Variants in ARHGEF10L observed in about 807,000 individuals in gnomAD.
The protein encoded by ARHGEF10L is Rho guanine nucleotide exchange factor 10 like, also known as rho guanine nucleotide exchange factor 10-like protein.
A neutral mutation model predicts 141.2 loss-of-function variants in ARHGEF10L; 69 were observed. The observed-to-expected ratio is 0.49, with a 90% CI of 0.40 to 0.60. The LOEUF is 0.60. Ranked by LOEUF, ARHGEF10L falls within the 20% of genes least tolerant of loss-of-function variation. The pLI is 0.00. For missense variants in ARHGEF10L, 1,482 were observed against 1,734.3 expected (o/e 0.85, Z 2.58); for synonymous variants, 711 against 718.5 (o/e 0.99, Z 0.17).
At position 17,684,114 on chromosome 1, in the gene ARHGEF10L, G is replaced by A. The variant is rs114709478; in HGVS notation, c.3010-3459G>A. Among the ~76,000 whole-genome samples the A allele has an allele frequency of 9.0e-3, 1,375 of 152,208 alleles. 27 individuals are homozygous for A. Among genetic ancestry groups the A allele is most frequent in the African/African-American group, 0.031 (1,299 of 41,510 alleles). The stretch of plus-strand genomic sequence containing the variant: ...GACTGTCCTGCTACCCCATCCATTC[G>A]CCCCACTGCTCGCCGACAGCAGGTG... On this transcript the variant is annotated intron_variant, in intron 26 of 28. Transcript: ENST00000361221.
At chr1:17,527,573 C>G in the ARHGEF10L span, among the ~76,000 whole-genome samples, 1 of 152,142 alleles carries the variant, frequency 6.6e-6, no homozygotes, top group Admixed American at 6.6e-5. Context: ...TGGGATTGAG[C>G]AGGTTAAATT....
chr1:17,659,421 A>G (rs140760600), intron 25 of ARHGEF10L, among the ~76,000 whole-genome samples: 1 of 152,156 alleles, frequency 6.6e-6, no homozygotes, highest in Non-Finnish European at 1.5e-5. Context: ...CCTGGATTAC[A>G]TGCGGCCAGG....
chr1:17,618,280 G>A (rs888099163), intron 9 of ARHGEF10L: 14 of 982,640 alleles, frequency 1.4e-5, no homozygotes, highest in East Asian at 1.2e-4. Context: ...CACAAGCCCA[G>A]CGCCTTCCTG....
intron 1 of ARHGEF10L, among the ~76,000 whole-genome samples, chr1:17,540,502 C>G (rs191991218): frequency 6.6e-6 from 1 of 152,116 alleles, no homozygotes; most frequent in East Asian, 1.9e-4. Flanking sequence ...CCGCCAGTCC[C>G]GGATCCTCCC....
At position 17,639,797 on chromosome 1, in the gene ARHGEF10L, G is replaced by A; in HGVS notation, c.2172-405G>A. ...GCAACTGTCCCATGCCAGGTGCTGG[G>A]AACAGACCCAAGTGAGACCCATTCC... On this transcript the variant is annotated intron_variant, in intron 20 of 28. Transcript: ENST00000361221. This position sits in a 1 kb window ranked among gnomAD's most constrained non-coding sequence, Gnocchi z 4.3. The A allele has an allele frequency of 7.8e-7, 1 of 1,276,868 alleles. No individual in the cohort carries two copies. The highest frequency in any genetic ancestry group is 1.0e-6 in the Non-Finnish European group (1 of 971,982). The allele number at this position is 1,276,868 out of a possible 1,614,324, so 79.1% of individuals were successfully genotyped here.
At chr1:17,569,035 A>C (rs530747018) in intron 1 of ARHGEF10L, among the ~76,000 whole-genome samples, 1 of 152,322 alleles carries the variant, frequency 6.6e-6, no homozygotes, top group South Asian at 2.1e-4. Context: ...GTCACAGCTG[A>C]AAGACCTTGG....
intron 1 of ARHGEF10L, among the ~76,000 whole-genome samples, chr1:17,559,540 C>T (rs943546346): frequency 2.0e-5 from 3 of 152,156 alleles, no homozygotes; most frequent in Non-Finnish European, 4.4e-5. Context: ...TCTGATGGCT[C>T]ATTCTCTGCA....
At chr1:17,578,778 AGT>A (rs2078336772) in intron 1 of ARHGEF10L, among the ~76,000 whole-genome samples, 1 of 152,248 alleles carries the variant, frequency 6.6e-6, no homozygotes, top group South Asian at 2.1e-4. Flanking sequence ...TGTTAAAAAA[AGT>A]GGGGTTGATT....
rs569022491 is a variant in ARHGEF10L, at chr1:17,688,317, C to T, written c.3184+570C>T. Reference sequence around the variant, plus strand: ...GATTGGTGGTGGAGGGGAATGGCGGCGAAGGATTAAGGCTGGAGCTCACCA... The same window carrying T: ...GATTGGTGGTGGAGGGGAATGGCGGTGAAGGATTAAGGCTGGAGCTCACCA... On this transcript the variant is annotated intron_variant, in intron 27 of 28. Coordinates refer to ENST00000361221, the MANE Select transcript of ARHGEF10L (RefSeq NM_018125.4). Among the ~76,000 whole-genome samples the T allele has an allele frequency of 4.1e-4, 63 of 152,216 alleles. No individual in the cohort carries two copies. The South Asian group carries it at 0.01, about 25-fold the overall frequency.
chr1:17,674,365 A>T (rs966113857), intron 26 of ARHGEF10L, among the ~76,000 whole-genome samples: 3 of 152,306 alleles, frequency 2.0e-5, no homozygotes, highest in East Asian at 3.9e-4. Context: ...AGCGAGCTTC[A>T]TAGAGTGGGT....
chr1:17,625,878 G>T lies in ARHGEF10L; in HGVS notation c.1318-78G>T. On this transcript the variant is annotated intron_variant, in intron 13 of 28. Coordinates refer to ENST00000361221, the MANE Select transcript of ARHGEF10L (RefSeq NM_018125.4). The surrounding 1 kb of genome is among the most constrained non-coding windows in gnomAD (Gnocchi z 4.5). ...GGGCCTGGGGAGAGGAGCCCAGAAT[G>T]GGGACAGTGTCTGGACTCTGGGGCA... 2 of 1,275,946 alleles carry T rather than the reference G, an allele frequency of 1.6e-6. No homozygotes were observed. The highest frequency in any genetic ancestry group is 1.1e-6 in the Non-Finnish European group (1 of 885,038). The allele number at this position is 1,275,946 out of a possible 1,614,324, so 79.0% of individuals were successfully genotyped here.
the ARHGEF10L span, among the ~76,000 whole-genome samples, chr1:17,515,238 G>A: frequency 6.6e-6 from 1 of 151,774 alleles, no homozygotes; most frequent in East Asian, 1.9e-4. Context: ...CTGGCATCTT[G>A]TAGGGGAGGC....
rs750157759 is a variant in ARHGEF10L, at chr1:17,656,144, G to T, written c.2705+42G>T. The T allele has an allele frequency of 5.3e-5, 82 of 1,540,762 alleles. No individual in the cohort carries two copies. The highest frequency in any genetic ancestry group is 5.7e-5 in the Non-Finnish European group (65 of 1,140,888). ...GAGGGGTGAGAGCAGCCTCTGCAGG[G>T]CTGGGCAGTGGGTGGGGGCTGTCCC... is the stretch of plus-strand genomic sequence containing the variant. On this transcript the variant is annotated intron_variant, in intron 24 of 28. Coordinates refer to ENST00000361221, the MANE Select transcript of ARHGEF10L (RefSeq NM_018125.4). This position sits in a 1 kb window ranked among gnomAD's most constrained non-coding sequence, Gnocchi z 4.9.
chr1:17,536,072 C>A (rs1207039065), upstream of ARHGEF10L, among the ~76,000 whole-genome samples: 1 of 152,208 alleles, frequency 6.6e-6, no homozygotes, highest in Non-Finnish European at 1.5e-5. Flanking sequence ...ATGTTGACAG[C>A]ACTAAAAAGC....
In ARHGEF10L at chr1:17,607,516, C is replaced by A. The variant is rs144486106; in HGVS notation, c.434-286C>A. Among the ~76,000 whole-genome samples, 1 of 152,322 alleles carries A rather than the reference C, an allele frequency of 6.6e-6. No homozygotes were observed. Among genetic ancestry groups the A allele is most frequent in the East Asian group, 1.9e-4 (1 of 5,170 alleles). On this transcript the variant is annotated intron_variant, in intron 6 of 28. Transcript: ENST00000361221. The surrounding 1 kb of genome is among the most constrained non-coding windows in gnomAD (Gnocchi z 4.5). The stretch of plus-strand genomic sequence containing the variant: ...AGGAGGCTCACAATGAGCGCTGAGA[C>A]CATACAAAAGCAGTGCTGGGAGCAA...
In ARHGEF10L at chr1:17,697,003, C is replaced by A. The variant is rs749136182; in HGVS notation, c.3463C>A (p.Pro1155Thr). Reference protein sequence around the residue: ...EDKPDGQAHEPMPDSHVGREL... With the variant: ...EDKPDGQAHETMPDSHVGREL... ...CAAGCCAGACGGGCAGGCACACGAG[C>A]CCATGCCCGATAGCCACGTGGGCCG... Residue 1155 changes from proline to threonine, a missense_variant, in exon 29 of 29, where the codon CCC (proline) becomes ACC (threonine). By Grantham distance (38) the Pro-to-Thr change is conservative. Around this residue, in one of 3 missense-constraint regions of ARHGEF10L, gnomAD observed 858 missense variants for 966.3 expected, o/e 0.89. Transcript: ENST00000361221. This position sits in a 1 kb window ranked among gnomAD's most constrained non-coding sequence, Gnocchi z 4.8. 8.1e-6 allele frequency: 13 copies of A among 1,610,204 alleles called. No individual in the cohort carries two copies. Among genetic ancestry groups the A allele is most frequent in the Non-Finnish European group, 1.0e-5 (12 of 1,178,838 alleles).
intron 1 of ARHGEF10L, among the ~76,000 whole-genome samples, chr1:17,559,886 C>A (rs1343858594): frequency 2.6e-5 from 4 of 152,124 alleles, no homozygotes; most frequent in African/African-American, 9.7e-5. Context: ...GTTTCTGGTG[C>A]CTGCCCTGGG....
rs769307751 is a variant in ARHGEF10L at position 17,648,672 on chromosome 1, G to T, written c.2391G>T (p.Leu797=). 1 of 1,612,486 alleles carries T rather than the reference G, an allele frequency of 6.2e-7. No homozygotes were observed. Among genetic ancestry groups the T allele is most frequent in the Non-Finnish European group, 8.5e-7 (1 of 1,179,924 alleles). Residue 797 remains leucine (L), a synonymous_variant, in exon 22 of 29, where the codon CTG becomes CTT. Coordinates refer to ENST00000361221, the MANE Select transcript of ARHGEF10L (RefSeq NM_018125.4). ...IPAFSSRALS[L]QLGALVHSPV... Reference sequence around the variant, plus strand: ...CCTTCTCCTCCCGGGCACTCAGCCTGCAGGTGAGTGGAGCGGATCTTGCTG... The same window carrying T: ...CCTTCTCCTCCCGGGCACTCAGCCTTCAGGTGAGTGGAGCGGATCTTGCTG...
rs759561914 is a variant in ARHGEF10L, at chr1:17,616,220, C to T, written c.835+18C>T. The T allele has an allele frequency of 3.3e-5, 34 of 1,028,116 alleles. No homozygotes were observed. The East Asian group carries it at 4.4e-4, about 13-fold the overall frequency. 63.7% of individuals were successfully genotyped at this position (1,028,116 alleles called of 1,614,324 possible). ...CGTCCTCGGTGAGGCGCTGCCCGAG[C>T]GGGAGGGTCTGGTGCCCAGCTCTGA... On this transcript the variant is annotated intron_variant, in intron 9 of 28. Transcript: ENST00000361221.
Sources: gnomAD v4.1 joint callset for allele counts (sites outside exome capture counted in the v4.1 genomes callset) on GRCh38, gnomAD v4.1.1 for gene constraint, gnomAD v4.1.1 regional missense constraint, Gnocchi (gnomAD v3.1) non-coding constraint, MANE v1.5 for transcripts, NCBI Gene and HGNC (gene_info 2026-07-23, HGNC 2026-07-21) for gene names.